Variants in VPS13B observed in about 807,000 individuals in gnomAD.
VPS13B encodes the protein vacuolar protein sorting 13 homolog B.
In VPS13B, 285 loss-of-function variants were observed where a neutral mutation model predicts 426.4. The ratio of observed to expected loss-of-function variants is 0.67; its 90% CI spans 0.61 to 0.74. The LOEUF (loss-of-function observed/expected upper bound fraction) is 0.74. Ranked by LOEUF, VPS13B falls within the 30% of genes least tolerant of loss-of-function variation. VPS13B has a pLI of 0.00. For synonymous variants in VPS13B, 1,676 were observed against 1,676.4 expected (o/e 1.00, Z 0.01); for missense variants, 4,537 against 4,782.6 (o/e 0.95, Z 1.51).
At chr8:99,421,405 C>G (rs1345325070) in intron 21 of VPS13B, among the ~76,000 whole-genome samples, 1 of 152,186 alleles carries the variant, frequency 6.6e-6, no homozygotes, top group Admixed American at 6.5e-5. Context: ...TATCCATGAT[C>G]CATAGTAGAA....
chr8:99,528,128 T>C (rs1442180624), intron 30 of VPS13B, among the ~76,000 whole-genome samples: 1 of 152,112 alleles, frequency 6.6e-6, no homozygotes, highest in Non-Finnish European at 1.5e-5. Context: ...AGAATTACAC[T>C]GGATTTATAT....
chr8:99,818,343 A>G, intron 45 of VPS13B, 108 bp from the exon 46 acceptor site: 1 of 1,188,530 alleles, frequency 8.4e-7, no homozygotes, highest in Non-Finnish European at 1.2e-6. Context: ...CTTTTTCCCT[A>G]AACTTTAAAC....
In VPS13B at chr8:99,824,087, T is replaced by C. The variant is rs1814530443; in HGVS notation, c.9330+109T>C. The C allele has an allele frequency of 1.1e-5, 14 of 1,316,208 alleles. No homozygotes were observed. The South Asian group carries it at 1.2e-4, about 12-fold the overall frequency. The allele number at this position is 1,316,208 out of a possible 1,614,324, so 81.5% of individuals were successfully genotyped here. On this transcript the variant is annotated intron_variant, in intron 51 of 61. Coordinates refer to ENST00000357162, the MANE Select transcript of VPS13B (RefSeq NM_152564.5). Reference sequence around the variant, plus strand: ...ATGAAAAGCTAACCCTGAATGTAGGTAAAGAGAAATTCACTTATTTTTGTT... The same window carrying C: ...ATGAAAAGCTAACCCTGAATGTAGGCAAAGAGAAATTCACTTATTTTTGTT...
At chr8:99,431,502 G>A (rs1396008975) in intron 21 of VPS13B, 35 bp from the exon 22 acceptor site, 3 of 1,610,970 alleles carry the variant, frequency 1.9e-6, no homozygotes, top group Admixed American at 1.7e-5. Context: ...TGTAAGTTAT[G>A]TTTCTATTAA....
chr8:99,864,936 C>G (rs1008323511), intron 58 of VPS13B, among the ~76,000 whole-genome samples: 1 of 152,162 alleles, frequency 6.6e-6, no homozygotes, highest in East Asian at 1.9e-4. Flanking sequence ...AAACACATTT[C>G]CCCCAAATGT....
chr8:99,287,801 T>C (rs1297331299), intron 19 of VPS13B, among the ~76,000 whole-genome samples: 1 of 152,004 alleles, frequency 6.6e-6, no homozygotes, highest in Non-Finnish European at 1.5e-5. Context: ...GATAAATGTT[T>C]ACTAAATGAT....
At chr8:99,354,330 A>C (rs938528523) in intron 19 of VPS13B, among the ~76,000 whole-genome samples, 1 of 93,936 alleles carries the variant, frequency 1.1e-5, no homozygotes, top group Non-Finnish European at 2.1e-5. Flanking sequence ...TGTGCTTTCT[A>C]AACAATAAAG....
intron 28 of VPS13B, 43 bp from the exon 29 acceptor site, chr8:99,511,060 CT>C (rs1821766219): frequency 1.2e-6 from 2 of 1,601,370 alleles, no homozygotes; most frequent in African/African-American, 1.3e-5. Context: ...TAAAAAAAAT[CT>C]TTTTAATGAA....
intron 30 of VPS13B, among the ~76,000 whole-genome samples, chr8:99,548,041 A>G (rs1824083852): frequency 6.6e-6 from 1 of 152,096 alleles, no homozygotes; most frequent in African/African-American, 2.4e-5. Flanking sequence ...TTTTTATTAT[A>G]AGATGTTTAC....
intron 19 of VPS13B, among the ~76,000 whole-genome samples, chr8:99,310,209 C>G (rs1168803446): frequency 6.6e-6 from 1 of 152,116 alleles, no homozygotes; most frequent in African/African-American, 2.4e-5. Context: ...GCCAGAACTT[C>G]CAACACTATG....
intron 51 of VPS13B, among the ~76,000 whole-genome samples, chr8:99,831,169 T>C (rs1815035198): frequency 1.3e-5 from 2 of 148,444 alleles, no homozygotes; most frequent in Non-Finnish European, 3.0e-5. Context: ...GCCTCCTGGG[T>C]TCAAGCGATT....
intron 35 of VPS13B, among the ~76,000 whole-genome samples, chr8:99,690,900 T>C (rs1327431481): frequency 1.3e-5 from 2 of 152,076 alleles, no homozygotes; most frequent in African/African-American, 2.4e-5. Flanking sequence ...AAAAAGCAAA[T>C]TTGCACACAC....
chr8:99,723,000 T>A (rs1184628967), intron 39 of VPS13B, among the ~76,000 whole-genome samples: 1 of 152,238 alleles, frequency 6.6e-6, no homozygotes. Flanking sequence ...ATTATATTAA[T>A]TAAGGCATCT....
chr8:99,662,381 T>C (rs1408002958), intron 35 of VPS13B, among the ~76,000 whole-genome samples: 1 of 152,110 alleles, frequency 6.6e-6, no homozygotes, highest in Non-Finnish European at 1.5e-5. Flanking sequence ...GTAGTTACAG[T>C]GCTTCAGAGT....
intron 15 of VPS13B, among the ~76,000 whole-genome samples, chr8:99,162,346 T>TAAA: frequency 6.6e-6 from 1 of 152,364 alleles, no homozygotes; most frequent in Admixed American, 6.5e-5. Flanking sequence ...TTCAATTAAG[T>TAAA]ACTTAAACAA....
chr8:99,359,413 G>A lies in VPS13B; in HGVS notation c.2825-24795G>A, dbSNP rs138096004. Among the ~76,000 whole-genome samples the A allele has an allele frequency of 3.7e-4, 56 of 152,184 alleles. No individual in the cohort carries two copies. In the East Asian group the frequency reaches 0.01, roughly 28 times the overall value. ...TTATATTCTGGATTGTGGGGTTTAT[G>A]TAATTTCTAATAAATATTTCAATGT... On this transcript the variant is annotated intron_variant, in intron 19 of 61. Coordinates refer to ENST00000357162, the MANE Select transcript of VPS13B (RefSeq NM_152564.5).
intron 15 of VPS13B, among the ~76,000 whole-genome samples, chr8:99,166,642 A>T (rs1413188830): frequency 6.6e-6 from 1 of 152,200 alleles, no homozygotes; most frequent in South Asian, 2.1e-4. Flanking sequence ...TGTCCATGCT[A>T]TCCTTTCTAC....
Position 99,699,814 on chromosome 8 carries a change from A to G in VPS13B, c.6336A>G (p.Gln2112=), listed in dbSNP as rs780082543. The G allele has an allele frequency of 2.5e-6, 4 of 1,613,736 alleles. No homozygotes were observed. Among genetic ancestry groups the G allele is most frequent in the Non-Finnish European group, 3.4e-6 (4 of 1,179,924 alleles). The change falls in exon 36 of 62, where the codon CAA becomes CAG. Residue 2112 remains glutamine (Q), a synonymous_variant. Coordinates refer to ENST00000357162, the MANE Select transcript of VPS13B (RefSeq NM_152564.5). ...AVSCFQKISV[Q]TTQIVISMET... is the part of the protein sequence containing the mutation. ...CCTGCTTTCAAAAAATTTCTGTTCAAACTACTCAGATTGTGATCTCCATGG... is the reference window on the plus strand; with the variant it reads ...CCTGCTTTCAAAAAATTTCTGTTCAGACTACTCAGATTGTGATCTCCATGG...
At chr8:99,334,050 G>T (rs955003099) in intron 19 of VPS13B, among the ~76,000 whole-genome samples, 5 of 151,784 alleles carry the variant, frequency 3.3e-5, no homozygotes, top group Non-Finnish European at 5.9e-5. Context: ...GCCTTTTGTG[G>T]ACATATATTG....
Sources: allele counts gnomAD v4.1 joint callset (sites outside exome capture counted in the v4.1 genomes callset), GRCh38; gene constraint gnomAD v4.1.1; transcripts MANE v1.5; gene names NCBI Gene and HGNC (gene_info 2026-07-23, HGNC 2026-07-21).